The following ARHGAP24 variants were observed in gnomAD, a reference collection of about 807,000 sequenced individuals.
ARHGAP24 encodes the protein Rho GTPase activating protein 24, also known as rho GTPase-activating protein 24.
A neutral mutation model predicts 76.4 loss-of-function variants in ARHGAP24; 50 were observed. The observed-to-expected ratio is 0.65, with a 90% CI of 0.52 to 0.83. The LOEUF (loss-of-function observed/expected upper bound fraction) is 0.83, where lower values mean the gene tolerates loss of function less well. ARHGAP24 is among the 40% of genes least tolerant of loss of function. The pLI, the probability that ARHGAP24 is intolerant of heterozygous loss-of-function variation, is 0.00. For missense variants in ARHGAP24, 930 were observed against 914.2 expected, an observed-to-expected ratio of 1.02 and a Z score of -0.22; for synonymous variants, 345 against 323.3, an observed-to-expected ratio of 1.07 and a Z score of -0.72.
In ARHGAP24 at chr4:85,995,518, C is replaced by T. The variant is rs369586605; in HGVS notation, c.1864C>T (p.Arg622Cys). ...DHRSVGGRSS[R>C]ATSSSDNSET... Reference sequence around the variant, plus strand: ...CAGGAGTGTGGGAGGTCGAAGTAGTCGTGCCACCAGTAGCAGTGACAACAG... The same window carrying T: ...CAGGAGTGTGGGAGGTCGAAGTAGTTGTGCCACCAGTAGCAGTGACAACAG... The change falls in exon 9 of 10, where the codon CGT becomes TGT. Residue 622 changes from arginine to cysteine, a missense_variant. Coordinates refer to ENST00000395184, the MANE Select transcript of ARHGAP24 (RefSeq NM_001025616.3). 5 of 1,604,356 alleles carry T rather than the reference C, an allele frequency of 3.1e-6. No individual in the cohort carries two copies. The highest frequency in any genetic ancestry group is 4.5e-5 in the East Asian group (2 of 44,794).
At chr4:85,798,799 C>T (rs1054297051) in intron 3 of ARHGAP24, among the ~76,000 whole-genome samples, 2 of 151,886 alleles carry the variant, frequency 1.3e-5, no homozygotes, top group African/African-American at 4.8e-5. Flanking sequence ...TGGTAAGAAT[C>T]GGGAAACAAA....
At chr4:85,851,757 GA>G (rs1354669221) in intron 3 of ARHGAP24, among the ~76,000 whole-genome samples, 1 of 152,246 alleles carries the variant, frequency 6.6e-6, no homozygotes, top group East Asian at 1.9e-4. Flanking sequence ...TATTTTCTTT[GA>G]GAATGTTGAA....
chr4:85,642,282 C>T (rs1392933929), intron 2 of ARHGAP24, among the ~76,000 whole-genome samples: 1 of 152,012 alleles, frequency 6.6e-6, no homozygotes, highest in East Asian at 1.9e-4. Flanking sequence ...ATAACAAGGG[C>T]CATAGAATCA....
intron 2 of ARHGAP24, among the ~76,000 whole-genome samples, chr4:85,635,383 T>C (rs921921959): frequency 2.0e-5 from 3 of 151,880 alleles, no homozygotes; most frequent in Admixed American, 6.6e-5. Context: ...GATTGTTTTT[T>C]AGTTTTTGTT....
intron 3 of ARHGAP24, among the ~76,000 whole-genome samples, chr4:85,742,581 A>T (rs1560611401): frequency 6.6e-6 from 1 of 152,322 alleles, no homozygotes; most frequent in East Asian, 1.9e-4. Context: ...TCAGATAAGA[A>T]GGTGTTAGGT....
intron 3 of ARHGAP24, among the ~76,000 whole-genome samples, chr4:85,864,248 C>T (rs573240474): frequency 1.1e-4 from 16 of 152,144 alleles, no homozygotes; most frequent in African/African-American, 3.9e-4. Flanking sequence ...AAAGAAAAGC[C>T]TTACCAAGGA....
intron 2 of ARHGAP24, among the ~76,000 whole-genome samples, chr4:85,671,364 A>G (rs1413394634): frequency 2.0e-5 from 3 of 152,158 alleles, no homozygotes; most frequent in African/African-American, 7.2e-5. Context: ...GTCCATTATA[A>G]TAATTATCAT....
intron 3 of ARHGAP24, among the ~76,000 whole-genome samples, chr4:85,817,322 C>CA (rs1191444168): frequency 5.3e-5 from 8 of 152,006 alleles, no homozygotes; most frequent in Non-Finnish European, 1.2e-4. Context: ...GAGTGATATC[C>CA]AAAAAAATTA....
At chr4:85,541,007 A>G (rs1421723463) in intron 1 of ARHGAP24, among the ~76,000 whole-genome samples, 1 of 122,338 alleles carries the variant, frequency 8.2e-6, no homozygotes, top group Non-Finnish European at 1.5e-5. Context: ...TTAGGTTCCC[A>G]AAACTGTAGG....
At chr4:85,475,973 C>A (rs181844575) in intron 1 of ARHGAP24, among the ~76,000 whole-genome samples, 1 of 150,704 alleles carries the variant, frequency 6.6e-6, no homozygotes, top group East Asian at 1.9e-4. Context: ...ATGTAACAGG[C>A]GCACAAAGAT....
chr4:85,600,404 G>A (rs1351600754), intron 2 of ARHGAP24, among the ~76,000 whole-genome samples: 3 of 152,174 alleles, frequency 2.0e-5, no homozygotes, highest in Non-Finnish European at 4.4e-5. Flanking sequence ...TGCACATTGG[G>A]TACAGAATGG....
At chr4:85,774,830 A>C (rs188580905) in intron 3 of ARHGAP24, among the ~76,000 whole-genome samples, 24 of 152,166 alleles carry the variant, frequency 1.6e-4, no homozygotes, top group Non-Finnish European at 2.8e-4. Context: ...TTATGGACTT[A>C]AGTTAGATGT....
intron 3 of ARHGAP24, among the ~76,000 whole-genome samples, chr4:85,814,371 A>G (rs377576091): frequency 2.6e-5 from 4 of 152,280 alleles, no homozygotes; most frequent in African/African-American, 9.6e-5. Flanking sequence ...AGTCCCTTCC[A>G]CCTATAAGCC....
intron 3 of ARHGAP24, among the ~76,000 whole-genome samples, chr4:85,772,127 G>A (rs1418782110): frequency 2.0e-5 from 3 of 152,188 alleles, no homozygotes; most frequent in East Asian, 1.9e-4. Flanking sequence ...TCCAAATTGT[G>A]TAAGAATCTC....
In ARHGAP24 at chr4:85,584,582, A is replaced by G. The variant is rs1161261; in HGVS notation, c.180+13861A>G. Among the ~76,000 whole-genome samples, 1,519 of 152,196 alleles carry G rather than the reference A, an allele frequency of 1.0e-2. 26 individuals carry two copies. The highest frequency in any genetic ancestry group is 0.035 in the African/African-American group (1,438 of 41,514). On this transcript the variant is annotated intron_variant, in intron 2 of 9. Coordinates refer to ENST00000395184, the MANE Select transcript of ARHGAP24 (RefSeq NM_001025616.3). ...ATTGTGCACATGTACCCTAAAACTT[A>G]AAGTATAATAATAATAAAAGAAAAA... is the stretch of plus-strand genomic sequence containing the variant.
At chr4:85,604,059 C>T (rs1720115288) in intron 2 of ARHGAP24, 1 of 152,192 alleles carries the variant, frequency 6.6e-6, no homozygotes, top group Non-Finnish European at 1.5e-5. Context: ...AGAATGCAGT[C>T]TGTAGAACAA....
At chr4:85,717,075 G>A (rs1578167000) in intron 2 of ARHGAP24, among the ~76,000 whole-genome samples, 1 of 152,168 alleles carries the variant, frequency 6.6e-6, no homozygotes, top group East Asian at 1.9e-4. Flanking sequence ...GGAACAAACA[G>A]AGAATATCTA....
At chr4:85,972,372 G>T in intron 6 of ARHGAP24, 1 of 641,580 alleles carries the variant, frequency 1.6e-6, no homozygotes. Flanking sequence ...AAAGAATATG[G>T]CTGAATAAAT....
chr4:85,719,134 A>T (rs939397530), intron 2 of ARHGAP24, among the ~76,000 whole-genome samples: 1 of 152,218 alleles, frequency 6.6e-6, no homozygotes, highest in African/African-American at 2.4e-5. Context: ...AATTGAAACA[A>T]TTATTTTTAC....
Sources: gnomAD v4.1 joint callset for allele counts (sites outside exome capture counted in the v4.1 genomes callset) on GRCh38, gnomAD v4.1.1 for gene constraint, MANE v1.5 for transcripts, NCBI Gene and HGNC (gene_info 2026-07-23, HGNC 2026-07-21) for gene names.